Variants in CNIH3 observed in about 807,000 individuals in gnomAD.
CNIH3 encodes the protein protein cornichon homolog 3.
Under a neutral mutation model 24.1 loss-of-function variants are expected in CNIH3, and 14 were observed. The ratio of observed to expected loss-of-function variants is 0.58; its 90% CI spans 0.38 to 0.91. CNIH3 has a LOEUF of 0.91. Ranked by LOEUF, CNIH3 falls within the 40% of genes least tolerant of loss-of-function variation. The pLI, the probability that CNIH3 is intolerant of heterozygous loss-of-function variation, is 0.00. For missense variants in CNIH3, 178 were observed against 196.8 expected (o/e 0.90, Z 0.57); for synonymous variants, 68 against 73.8 (o/e 0.92, Z 0.40).
intron 1 of CNIH3, among the ~76,000 whole-genome samples, chr1:224,672,888 G>A (rs1196747946): frequency 6.6e-6 from 1 of 152,208 alleles, no homozygotes; most frequent in Non-Finnish European, 1.5e-5. Flanking sequence ...TGTAGTCAGA[G>A]TTTCTAGGAG....
chr1:224,520,474 T>C (rs10916632), intron 1 of CNIH3, among the ~76,000 whole-genome samples: 34,470 of 152,198 alleles, frequency 0.23, 4,278 homozygotes, highest in African/African-American at 0.33. Context: ...CTGACCTTTT[T>C]ATTATTTTAG....
At chr1:224,524,396 A>G (rs1423563268) in intron 2 of CNIH3, among the ~76,000 whole-genome samples, 2 of 152,044 alleles carry the variant, frequency 1.3e-5, no homozygotes, top group African/African-American at 4.8e-5. Context: ...ATATTCTGCT[A>G]TTTTCTCTTC....
At chr1:224,561,899 A>G (rs1680388767) in intron 3 of CNIH3, among the ~76,000 whole-genome samples, 1 of 152,216 alleles carries the variant, frequency 6.6e-6, no homozygotes, top group African/African-American at 2.4e-5. Context: ...GGCTAAGTTC[A>G]GGCCAAAAGA....
upstream of CNIH3, chr1:224,615,266 A>C (rs1001843706): frequency 3.9e-5 from 6 of 152,082 alleles, no homozygotes; most frequent in African/African-American, 1.4e-4. Flanking sequence ...CTACTCTTTC[A>C]CCGAGATTTG....
At chr1:224,679,448 T>C (rs1015292236) in intron 1 of CNIH3, among the ~76,000 whole-genome samples, 21 of 152,262 alleles carry the variant, frequency 1.4e-4, no homozygotes, top group African/African-American at 4.6e-4. Context: ...TGTAGTTTGC[T>C]GACCCTGGCT....
At chr1:224,444,358 TTTTTTATTTTTA>T (rs749300269) in intron 1 of CNIH3, among the ~76,000 whole-genome samples, 3 of 152,068 alleles carry the variant, frequency 2.0e-5, no homozygotes, top group East Asian at 1.9e-4. Context: ...GCATTTGGTT[TTTTTTATTTTTA>T]TTTTTATTTT....
In CNIH3 at chr1:224,457,119, G is replaced by A. The variant is rs577939313; in HGVS notation, n.203+22257G>A. On this transcript the variant is annotated intron_variant and non_coding_transcript_variant, in intron 1 of 5. Coordinates refer to the CNIH3 transcript ENST00000471578. ...GTTTCTAGGTCAGCAGCTCAGGACA[G>A]CAGGCAGGTCAGGCCTGGTAGAGGA... 6.1e-4 allele frequency among the ~76,000 whole-genome samples: 93 copies of A among 152,340 alleles called. 1 individual carries two copies. The highest frequency in any genetic ancestry group is 2.1e-3 in the African/African-American group (88 of 41,574).
chr1:224,512,779 C>T (rs1466931339), upstream of CNIH3, among the ~76,000 whole-genome samples: 1 of 152,122 alleles, frequency 6.6e-6, no homozygotes, highest in Non-Finnish European at 1.5e-5. Flanking sequence ...TACGTGCCCT[C>T]CCTGTTCATG....
chr1:224,548,396 A>G (rs1034580254), intron 3 of CNIH3, among the ~76,000 whole-genome samples: 2 of 152,000 alleles, frequency 1.3e-5, no homozygotes, highest in Non-Finnish European at 2.9e-5. Flanking sequence ...TATTTCTCCT[A>G]ATATCACAGT....
chr1:224,573,334 G>A (rs1399481342), intron 4 of CNIH3, among the ~76,000 whole-genome samples: 1 of 152,062 alleles, frequency 6.6e-6, no homozygotes, highest in Non-Finnish European at 1.5e-5. Flanking sequence ...TAGGAAGTGG[G>A]GGCTTAAAAC....
At chr1:224,552,976 G>T (rs1679986059) in intron 3 of CNIH3, among the ~76,000 whole-genome samples, 1 of 150,216 alleles carries the variant, frequency 6.7e-6, no homozygotes, top group Non-Finnish European at 1.5e-5. Context: ...ATCACAGGGT[G>T]TACACACAAG....
intron 4 of CNIH3, among the ~76,000 whole-genome samples, chr1:224,581,338 G>A (rs1240786264): frequency 6.6e-6 from 1 of 152,096 alleles, no homozygotes; most frequent in Non-Finnish European, 1.5e-5. Context: ...AGTAAAAAAG[G>A]CATCATTACA....
At chr1:224,726,533 C>T (rs1019244436) in intron 3 of CNIH3, among the ~76,000 whole-genome samples, 2 of 152,136 alleles carry the variant, frequency 1.3e-5, no homozygotes, top group African/African-American at 4.8e-5. Flanking sequence ...TAATAGGGGC[C>T]CTTTGAGGTG....
chr1:224,626,030 C>CAGAT (rs1174948834), intron 1 of CNIH3, among the ~76,000 whole-genome samples: 1 of 151,716 alleles, frequency 6.6e-6, no homozygotes, highest in East Asian at 1.9e-4. Flanking sequence ...TTAGATAAGG[C>CAGAT]AGATATTAAA....
At chr1:224,733,549 G>A (rs965113006) in intron 4 of CNIH3, among the ~76,000 whole-genome samples, 3 of 152,192 alleles carry the variant, frequency 2.0e-5, no homozygotes, top group Non-Finnish European at 2.9e-5. Context: ...AAGGAGGAGG[G>A]AGCTGAGATT....
chr1:224,652,262 C>T (rs540702689), intron 1 of CNIH3, among the ~76,000 whole-genome samples: 1 of 152,042 alleles, frequency 6.6e-6, no homozygotes, highest in African/African-American at 2.4e-5. Flanking sequence ...ATCTATATGG[C>T]GAACTGGGGT....
At chr1:224,502,648 A>T (rs1335416693) in intron 1 of CNIH3, among the ~76,000 whole-genome samples, 1 of 152,166 alleles carries the variant, frequency 6.6e-6, no homozygotes, top group Non-Finnish European at 1.5e-5. Context: ...GGAGTCCAGT[A>T]ATTACTGAGC....
chr1:224,702,074 A>G (rs1051421615), intron 3 of CNIH3, among the ~76,000 whole-genome samples: 1 of 143,192 alleles, frequency 7.0e-6, no homozygotes, highest in Non-Finnish European at 1.5e-5. Flanking sequence ...GTATGCACAG[A>G]TATACACTCC....
At chr1:224,506,287 G>GCGCACA (rs372343004) in intron 1 of CNIH3, among the ~76,000 whole-genome samples, 67 of 147,426 alleles carry the variant, frequency 4.5e-4, no homozygotes, top group East Asian at 1.8e-3. Flanking sequence ...GCGCGCGCGC[G>GCGCACA]CACACACACA....
Sources: allele counts gnomAD v4.1 joint callset (sites outside exome capture counted in the v4.1 genomes callset), GRCh38; gene constraint gnomAD v4.1.1; transcripts MANE v1.5; gene names NCBI Gene and HGNC (gene_info 2026-07-23, HGNC 2026-07-21).